The following ZFHX3 variants were observed in gnomAD, a reference collection of about 807,000 sequenced individuals.
ZFHX3 encodes zinc finger homeobox 3, also known as zinc finger homeobox protein 3.
A neutral mutation model predicts 279.1 loss-of-function variants in ZFHX3; 42 were observed. That is an observed-to-expected ratio of 0.15 (90% CI 0.12 to 0.19). The LOEUF (loss-of-function observed/expected upper bound fraction) is 0.19, where lower values mean the gene tolerates loss of function less well. ZFHX3 is among the 10% of genes least tolerant of loss of function. The probability of loss-of-function intolerance (pLI) is 1.00; values close to 1 mark genes in which losing one functional copy is unlikely to be tolerated. For missense variants in ZFHX3, 4,981 were observed against 4,754.0 expected (o/e 1.05, Z -1.40); for synonymous variants, 2,293 against 1,957.8 (o/e 1.17, Z -4.52).
At chr16:73,755,608 A>G (rs2053801279) in intron 1 of ZFHX3, among the ~76,000 whole-genome samples, 1 of 152,130 alleles carries the variant, frequency 6.6e-6, no homozygotes, top group Non-Finnish European at 1.5e-5. Flanking sequence ...TGGTCTGTGA[A>G]GTTTAGGAAT....
intron 8 of ZFHX3, among the ~76,000 whole-genome samples, chr16:73,077,347 A>T (rs1158212142): frequency 6.6e-6 from 1 of 152,210 alleles, no homozygotes; most frequent in Admixed American, 6.5e-5. Flanking sequence ...TTATTCTAGA[A>T]ATAAATTGGT....
intron 1 of ZFHX3, among the ~76,000 whole-genome samples, chr16:73,029,842 A>T (rs1401092624): frequency 2.0e-5 from 3 of 152,194 alleles, no homozygotes; most frequent in African/African-American, 7.2e-5. Flanking sequence ...AATGGACAAA[A>T]AATGAGTTCT....
intron 3 of ZFHX3, among the ~76,000 whole-genome samples, chr16:73,446,187 T>C (rs2018182260): frequency 1.3e-5 from 2 of 152,190 alleles, no homozygotes; most frequent in South Asian, 4.1e-4. Flanking sequence ...GATCACAGAA[T>C]CTTCCTGCTC....
intron 2 of ZFHX3, among the ~76,000 whole-genome samples, chr16:73,530,031 G>A (rs779140715): frequency 1.1e-4 from 16 of 152,080 alleles, no homozygotes; most frequent in Non-Finnish European, 2.1e-4. Flanking sequence ...CTGTTTTCAC[G>A]CTGCTGATAG....
chr16:73,501,882 C>T lies in ZFHX3; in HGVS notation c.-1546-45624G>A, dbSNP rs879268108. 2.6e-5 allele frequency among the ~76,000 whole-genome samples: 4 copies of T among 151,974 alleles called. 1 individual carries two copies. Among genetic ancestry groups the T allele is most frequent in the Admixed American group, 1.3e-4 (2 of 15,254 alleles). ...TCTCGTCTGTAAGGGGGTGAGGAGCCGACAGTAGCCTCCTTACCTCTCTGG... is the reference window on the plus strand; with the variant it reads ...TCTCGTCTGTAAGGGGGTGAGGAGCTGACAGTAGCCTCCTTACCTCTCTGG... On this transcript the variant is annotated intron_variant, in intron 2 of 17. Coordinates refer to the ZFHX3 transcript ENST00000641206.
chr16:72,876,746 C>T (rs1390262451), intron 4 of ZFHX3, among the ~76,000 whole-genome samples: 1 of 151,714 alleles, frequency 6.6e-6, no homozygotes, highest in East Asian at 1.9e-4. Context: ...CAATTTTTTT[C>T]CCCCCTAAAG....
intron 1 of ZFHX3, among the ~76,000 whole-genome samples, chr16:73,058,278 A>G (rs1423945379): frequency 4.6e-5 from 6 of 131,332 alleles, no homozygotes; most frequent in Non-Finnish European, 9.9e-5. Flanking sequence ...AGGAGGAGGA[A>G]GAAGAAGAGA....
At chr16:72,998,707 AAT>A (rs1274351017) in intron 1 of ZFHX3, among the ~76,000 whole-genome samples, 1 of 152,156 alleles carries the variant, frequency 6.6e-6, no homozygotes, top group Non-Finnish European at 1.5e-5. Context: ...CCACTGTAAT[AAT>A]TCATGCTTGT....
rs1443283180 is a variant in ZFHX3, at chr16:72,929,160, C to T, written c.3216+21309G>A. Among the ~76,000 whole-genome samples the T allele has an allele frequency of 2.0e-5, 3 of 151,700 alleles. No individual in the cohort carries two copies. In the East Asian group the frequency reaches 5.8e-4, roughly 29 times the overall value. ...GGCTGAGGCAGAAAAATTTCTTGAA[C>T]CTGGGAAGTGGAGGTTGCAGTGAGC... On this transcript the variant is annotated intron_variant, in intron 3 of 9. Transcript: ENST00000268489.
chr16:73,067,684 T>C (rs144363857), intron 8 of ZFHX3, among the ~76,000 whole-genome samples: 33 of 152,310 alleles, frequency 2.2e-4, no homozygotes, highest in African/African-American at 7.5e-4. Context: ...TCATCCCTTG[T>C]CCCTTTGCAC....
At chr16:73,042,130 G>A (rs1462577058) in intron 1 of ZFHX3, among the ~76,000 whole-genome samples, 1 of 152,044 alleles carries the variant, frequency 6.6e-6, no homozygotes, top group Non-Finnish European at 1.5e-5. Context: ...CTTCTGAAAA[G>A]CGATGTTTGC....
At chr16:73,383,479 T>A (rs1053103800) in intron 3 of ZFHX3, among the ~76,000 whole-genome samples, 1 of 151,884 alleles carries the variant, frequency 6.6e-6, no homozygotes, top group Non-Finnish European at 1.5e-5. Flanking sequence ...TGGAGAAAAA[T>A]GAAAGAACGC....
At chr16:73,315,254 A>T (rs2015419525) in intron 4 of ZFHX3, among the ~76,000 whole-genome samples, 1 of 151,972 alleles carries the variant, frequency 6.6e-6, no homozygotes, top group African/African-American at 2.4e-5. Flanking sequence ...CATTTAATAT[A>T]GTTCAAGTGA....
At chr16:73,263,372 G>C (rs2013877297) in intron 4 of ZFHX3, among the ~76,000 whole-genome samples, 1 of 152,070 alleles carries the variant, frequency 6.6e-6, no homozygotes, top group Admixed American at 6.6e-5. Context: ...CATTTTTTAA[G>C]AGATGGGGGT....
At chr16:73,054,424 G>A (rs1965507635) in intron 1 of ZFHX3, among the ~76,000 whole-genome samples, 2 of 142,546 alleles carry the variant, frequency 1.4e-5, no homozygotes, top group Non-Finnish European at 3.0e-5. Context: ...ACAGGAGGTC[G>A]GTATGGAAAC....
At chr16:73,105,718 A>G (rs1286002658) in intron 7 of ZFHX3, among the ~76,000 whole-genome samples, 1 of 152,064 alleles carries the variant, frequency 6.6e-6, no homozygotes, top group Non-Finnish European at 1.5e-5. Context: ...GTGCCACTGC[A>G]CTCCAGCCTG....
At chr16:73,794,237 A>AT (rs1180150577) in intron 1 of ZFHX3, 1 of 152,220 alleles carries the variant, frequency 6.6e-6, no homozygotes, top group Non-Finnish European at 1.5e-5. Context: ...GAGGGTGGAC[A>AT]TCGAGGGCTG....
intron 2 of ZFHX3, among the ~76,000 whole-genome samples, chr16:73,491,872 C>T (rs2019061894): frequency 6.6e-6 from 1 of 152,120 alleles, no homozygotes; most frequent in Non-Finnish European, 1.5e-5. Context: ...TGTGAATCGT[C>T]AGTGTTGTTG....
intron 2 of ZFHX3, among the ~76,000 whole-genome samples, chr16:73,514,072 C>A (rs2019479831): frequency 6.6e-6 from 1 of 152,130 alleles, no homozygotes; most frequent in Admixed American, 6.6e-5. Flanking sequence ...CACCGTGAAA[C>A]CCTGTCTCTA....
Sources: allele counts gnomAD v4.1 joint callset (sites outside exome capture counted in the v4.1 genomes callset), GRCh38; gene constraint gnomAD v4.1.1; transcripts MANE v1.5; gene names NCBI Gene and HGNC (gene_info 2026-07-23, HGNC 2026-07-21).